Variants in RNLS observed in about 807,000 individuals in gnomAD.
RNLS encodes the protein renalase.
A neutral mutation model predicts 39.8 loss-of-function variants in RNLS; 39 were observed. The observed-to-expected ratio is 0.98, with a 90% CI of 0.76 to 1.28. RNLS has a LOEUF of 1.28. Ranked by LOEUF, RNLS falls within the 50% of genes most tolerant of loss-of-function variation. The pLI, the probability that RNLS is intolerant of heterozygous loss-of-function variation, is 0.00. For missense variants in RNLS, 410 were observed against 413.3 expected, an observed-to-expected ratio of 0.99 and a Z score of 0.07; for synonymous variants, 147 against 150.7, an observed-to-expected ratio of 0.98 and a Z score of 0.18.
intron 4 of RNLS, among the ~76,000 whole-genome samples, chr10:88,406,439 T>C (rs71477188): frequency 6.6e-6 from 1 of 152,110 alleles, no homozygotes; most frequent in Non-Finnish European, 1.5e-5. Flanking sequence ...TTTTTCTTTG[T>C]CTTTCTTGGA....
the RNLS span, among the ~76,000 whole-genome samples, chr10:88,229,881 T>C: frequency 6.6e-5 from 10 of 152,232 alleles, no homozygotes; most frequent in Non-Finnish European, 8.8e-5. Context: ...TTCCATTGTG[T>C]GGATATGCCA....
chr10:88,294,295 T>C (rs1843904881), intron 6 of RNLS, among the ~76,000 whole-genome samples: 1 of 152,220 alleles, frequency 6.6e-6, no homozygotes, highest in Admixed American at 6.5e-5. Context: ...TGGAAATGCC[T>C]GTTTACCTAT....
chr10:88,319,199 G>A, intron 5 of RNLS, among the ~76,000 whole-genome samples: 1 of 152,072 alleles, frequency 6.6e-6, no homozygotes, highest in East Asian at 1.9e-4. Context: ...TCCTCTGAAA[G>A]CACCTGGAAA....
chr10:88,229,588 T>G, the RNLS span, among the ~76,000 whole-genome samples: 1 of 152,242 alleles, frequency 6.6e-6, no homozygotes, highest in Non-Finnish European at 1.5e-5. Context: ...TCCACAGAAT[T>G]GTGTGGCCAT....
chr10:88,413,313 T>C (rs1159140877), intron 4 of RNLS, among the ~76,000 whole-genome samples: 3 of 152,212 alleles, frequency 2.0e-5, no homozygotes, highest in African/African-American at 7.2e-5. Flanking sequence ...TTATCACATG[T>C]GCAAATTGGA....
intron 6 of RNLS, among the ~76,000 whole-genome samples, chr10:88,289,451 T>G (rs144888060): frequency 6.6e-6 from 1 of 152,292 alleles, no homozygotes; most frequent in Non-Finnish European, 1.5e-5. Flanking sequence ...ACAAGTAAAT[T>G]GCTCATCCTT....
At chr10:88,470,211 G>A (rs1489264154) in intron 4 of RNLS, among the ~76,000 whole-genome samples, 3 of 151,788 alleles carry the variant, frequency 2.0e-5, no homozygotes, top group African/African-American at 7.3e-5. Context: ...ACATGTGCAG[G>A]TTTGTTATAG....
chr10:88,273,856 A>C (rs1589441859), downstream of RNLS: 1 of 90,868 alleles, frequency 1.1e-5, no homozygotes, highest in Admixed American at 1.0e-4. Context: ...TTGATAGGTT[A>C]AAAAATTACG....
In RNLS at chr10:88,356,030, A is replaced by G. The variant is rs575056273; in HGVS notation, c.700+6522T>C. Among the ~76,000 whole-genome samples the G allele has an allele frequency of 3.3e-5, 5 of 152,356 alleles. No homozygotes were observed. The South Asian group carries it at 1.0e-3, about 32-fold the overall frequency. On this transcript the variant is annotated intron_variant, in intron 5 of 6. Transcript: ENST00000331772. ...GGACCCTCTGATCCTTGCGCGGGAT[A>G]TAATCTCCTGGTGTGCCGTTTGCTA...
At chr10:88,480,576 C>T (rs1327816787) in intron 4 of RNLS, among the ~76,000 whole-genome samples, 1 of 152,198 alleles carries the variant, frequency 6.6e-6, no homozygotes, top group African/African-American at 2.4e-5. Context: ...CATGCGTCAC[C>T]ACGCCCAGCT....
At chr10:88,187,115 G>A in the RNLS span, among the ~76,000 whole-genome samples, 5 of 140,618 alleles carry the variant, frequency 3.6e-5, no homozygotes, top group Non-Finnish European at 6.3e-5. Context: ...GTTGAGAAAC[G>A]CTGGCATCTG....
chr10:88,427,334 G>C (rs1349970006), intron 4 of RNLS, among the ~76,000 whole-genome samples: 2 of 151,976 alleles, frequency 1.3e-5, no homozygotes, highest in African/African-American at 4.8e-5. Context: ...TTCTTTGACA[G>C]GGTGGCTGGC....
chr10:88,248,078 GT>G, the RNLS span, among the ~76,000 whole-genome samples: 1 of 152,286 alleles, frequency 6.6e-6, no homozygotes, highest in African/African-American at 2.4e-5. Context: ...AAGCCACCAA[GT>G]TTTTAATAAT....
chr10:88,184,809 A>G, the RNLS span, among the ~76,000 whole-genome samples: 1 of 152,164 alleles, frequency 6.6e-6, no homozygotes. Flanking sequence ...CTGCAACCAT[A>G]AATCTTCCTA....
chr10:88,304,888 T>C (rs1278757084), intron 6 of RNLS, among the ~76,000 whole-genome samples: 1 of 152,048 alleles, frequency 6.6e-6, no homozygotes, highest in African/African-American at 2.4e-5. Context: ...AGATACATAA[T>C]TGTGAGATTC....
chr10:88,338,777 T>C (rs976482923), intron 5 of RNLS, among the ~76,000 whole-genome samples: 77 of 149,734 alleles, frequency 5.1e-4, no homozygotes, highest in African/African-American at 1.7e-3. Flanking sequence ...TTTTTTTTTT[T>C]TTTGAGACGG....
At chr10:88,172,901 G>A in the RNLS span, among the ~76,000 whole-genome samples, 1 of 117,692 alleles carries the variant, frequency 8.5e-6, no homozygotes, top group South Asian at 2.9e-4. Flanking sequence ...CTGTCGCCCA[G>A]GCTGGAGTGC....
downstream of RNLS, among the ~76,000 whole-genome samples, chr10:88,279,617 G>A (rs571270761): frequency 4.4e-5 from 5 of 114,690 alleles, no homozygotes; most frequent in East Asian, 1.2e-3. Context: ...CAAACACTTA[G>A]GAGTGTGAAA....
At position 88,583,112 on chromosome 10, in the gene RNLS, G is replaced by A; in HGVS notation, c.79C>T (p.Pro27Ser). The change falls in exon 1 of 7, where the codon CCC becomes TCC. Residue 27 changes from proline (P) to serine (S), a missense_variant. Transcript: ENST00000331772. ...TTGTCCCACACAGCAAGGTACAAGGGACCGGACGTCTGCCTCCTCAGCAGC... is the reference window on the plus strand; with the variant it reads ...TTGTCCCACACAGCAAGGTACAAGGAACCGGACGTCTGCCTCCTCAGCAGC... Reference protein sequence around the residue: ...AALLRRQTSGPLYLAVWDKAE... With the variant: ...AALLRRQTSGSLYLAVWDKAE... The A allele has an allele frequency of 6.2e-7, 1 of 1,614,142 alleles. No homozygotes were observed. The highest frequency in any genetic ancestry group is 8.5e-7 in the Non-Finnish European group (1 of 1,179,970).
Sources: gnomAD v4.1 joint callset for allele counts (sites outside exome capture counted in the v4.1 genomes callset) on GRCh38, gnomAD v4.1.1 for gene constraint, MANE v1.5 for transcripts, NCBI Gene and HGNC (gene_info 2026-07-23, HGNC 2026-07-21) for gene names.